Variants in FAM135B observed in about 807,000 individuals in gnomAD.
The protein encoded by FAM135B is protein FAM135B.
A neutral mutation model predicts 127.7 loss-of-function variants in FAM135B; 43 were observed. The ratio of observed to expected loss-of-function variants is 0.34; its 90% CI spans 0.26 to 0.43. FAM135B has a LOEUF of 0.43. Among genes scored for constraint, FAM135B ranks in the 20% least tolerant of loss-of-function variants. The pLI is 1.00. For synonymous variants in FAM135B, 670 were observed against 665.1 expected, an observed-to-expected ratio of 1.01 and a Z score of -0.11; for missense variants, 1,558 against 1,725.6, an observed-to-expected ratio of 0.90 and a Z score of 1.72.
At chr8:138,317,349 G>A (rs1449573206) in intron 2 of FAM135B, among the ~76,000 whole-genome samples, 1 of 152,178 alleles carries the variant, frequency 6.6e-6, no homozygotes, top group Non-Finnish European at 1.5e-5. Flanking sequence ...AGGGGTTGGG[G>A]AGTGGATGGG....
At chr8:138,224,913 G>A (rs1819298217) in intron 7 of FAM135B, among the ~76,000 whole-genome samples, 1 of 152,152 alleles carries the variant, frequency 6.6e-6, no homozygotes, top group South Asian at 2.1e-4. Flanking sequence ...AGACTGGCTG[G>A]GCAGAGGTGG....
At chr8:138,379,534 G>A (rs1831702281) in intron 1 of FAM135B, among the ~76,000 whole-genome samples, 1 of 152,108 alleles carries the variant, frequency 6.6e-6, no homozygotes, top group African/African-American at 2.4e-5. Context: ...AGCCTGGAGT[G>A]AACCACAGGA....
chr8:138,369,872 G>T (rs1183280185), intron 1 of FAM135B, among the ~76,000 whole-genome samples: 1 of 152,188 alleles, frequency 6.6e-6, no homozygotes, highest in Non-Finnish European at 1.5e-5. Context: ...AAAACCATGT[G>T]ACTCCTTTCT....
intron 1 of FAM135B, among the ~76,000 whole-genome samples, chr8:138,418,746 C>T (rs983235795): frequency 2.6e-5 from 4 of 152,002 alleles, no homozygotes; most frequent in Non-Finnish European, 5.9e-5. Flanking sequence ...CCAGCAAACA[C>T]TAAGGGAACT....
chr8:138,337,454 T>C (rs1828689616), intron 2 of FAM135B, among the ~76,000 whole-genome samples: 1 of 151,782 alleles, frequency 6.6e-6, no homozygotes. Context: ...AGCATTCTTA[T>C]ACACCAATAG....
At chr8:138,449,449 G>C (rs1836373049) in intron 1 of FAM135B, among the ~76,000 whole-genome samples, 1 of 152,018 alleles carries the variant, frequency 6.6e-6, no homozygotes, top group Non-Finnish European at 1.5e-5. Flanking sequence ...TTGTTGAGGT[G>C]AGAGTGGCTG....
intron 15 of FAM135B, among the ~76,000 whole-genome samples, chr8:138,144,036 GC>G (rs1162418844): frequency 6.6e-6 from 1 of 152,212 alleles, no homozygotes. Flanking sequence ...TGGGATCTGT[GC>G]CCTGGACCTG....
intron 1 of FAM135B, chr8:138,440,969 T>A (rs1029429328): frequency 2.0e-5 from 3 of 152,116 alleles, no homozygotes; most frequent in African/African-American, 7.2e-5. Flanking sequence ...ACTAGAATAC[T>A]AAACACAGAC....
In FAM135B at chr8:138,483,292, A is replaced by T. The variant is rs1488188186; in HGVS notation, c.-20+13379T>A. Among the ~76,000 whole-genome samples, 3 of 152,214 alleles carry T rather than the reference A, an allele frequency of 2.0e-5. No homozygotes were observed. The East Asian group carries it at 5.8e-4, about 29-fold the overall frequency. The stretch of plus-strand genomic sequence containing the variant: ...ACTTTACACATGAAGAAATGGAAGT[A>T]CAGAGAGGCTGAGCAACCTGTCCTG... On this transcript the variant is annotated intron_variant, in intron 1 of 19. Coordinates refer to ENST00000395297, the MANE Select transcript of FAM135B (RefSeq NM_015912.4).
intron 6 of FAM135B, among the ~76,000 whole-genome samples, chr8:138,250,081 G>C (rs1821582322): frequency 6.6e-6 from 1 of 152,154 alleles, no homozygotes; most frequent in African/African-American, 2.4e-5. Flanking sequence ...GGCTGGGTGT[G>C]GTGGCTCACG....
intron 7 of FAM135B, among the ~76,000 whole-genome samples, chr8:138,220,075 A>ACAC (rs1312896072): frequency 2.0e-5 from 3 of 151,840 alleles, no homozygotes; most frequent in African/African-American, 7.3e-5. Context: ...ACACACACAC[A>ACAC]CACACACACA....
At chr8:138,226,690 T>C (rs1315465183) in intron 7 of FAM135B, among the ~76,000 whole-genome samples, 1 of 152,192 alleles carries the variant, frequency 6.6e-6, no homozygotes, top group Admixed American at 6.5e-5. Flanking sequence ...GCCTCTCAAG[T>C]AGCTGGGATT....
chr8:138,200,592 C>G (rs1817036405), intron 7 of FAM135B, among the ~76,000 whole-genome samples: 1 of 152,192 alleles, frequency 6.6e-6, no homozygotes, highest in African/African-American at 2.4e-5. Context: ...AAAACCCCAT[C>G]AATATCATCA....
intron 1 of FAM135B, among the ~76,000 whole-genome samples, chr8:138,374,267 G>C (rs1240642877): frequency 6.6e-6 from 1 of 152,154 alleles, no homozygotes; most frequent in Admixed American, 6.6e-5. Flanking sequence ...TCCCCAGTAA[G>C]TCCAGGCTTC....
chr8:138,312,263 A>G (rs892934111), intron 2 of FAM135B, among the ~76,000 whole-genome samples: 4 of 152,150 alleles, frequency 2.6e-5, no homozygotes, highest in African/African-American at 4.8e-5. Flanking sequence ...TATTTTTCAA[A>G]AGTACCTGCT....
chr8:138,342,281 G>A (rs1829105134), intron 2 of FAM135B, among the ~76,000 whole-genome samples: 1 of 152,132 alleles, frequency 6.6e-6, no homozygotes, highest in Non-Finnish European at 1.5e-5. Flanking sequence ...GTGACAGATA[G>A]AGAAAATGAA....
chr8:138,147,319 A>G (rs1817737883), intron 14 of FAM135B, among the ~76,000 whole-genome samples: 1 of 151,854 alleles, frequency 6.6e-6, no homozygotes, highest in African/African-American at 2.4e-5. Context: ...TTCAGCATTA[A>G]GTGTTAAGTA....
rs199607618 is a variant in FAM135B at position 138,142,285 on chromosome 8, CTTCTTTTTT to C, written c.3638+718_3638+726del. On this transcript the variant is annotated intron_variant, in intron 16 of 19. Coordinates refer to ENST00000395297, the MANE Select transcript of FAM135B (RefSeq NM_015912.4). ...TTGGGGTGGGCAACTCATTCTGCTTCTTCTTTTTTTTTTTTTTTTTTTTTTTTTTTTTTG... is the reference window on the plus strand; with the variant it reads ...TTGGGGTGGGCAACTCATTCTGCTTCTTTTTTTTTTTTTTTTTTTTTTTTG... Among the ~76,000 whole-genome samples, 9 of 99,958 alleles carry C rather than the reference CTTCTTTTTT, an allele frequency of 9.0e-5. 2 individuals carry two copies. Among genetic ancestry groups the C allele is most frequent in the Admixed American group, 4.5e-4 (4 of 8,862 alleles). The allele number at this position is 99,958 out of a possible 152,430, so 65.6% of individuals were successfully genotyped here. A position where few individuals can be genotyped will look rare whatever the true frequency, so the allele number is the denominator to read the frequency against.
chr8:138,412,355 C>A (rs943469456), intron 1 of FAM135B, among the ~76,000 whole-genome samples: 4 of 152,238 alleles, frequency 2.6e-5, no homozygotes, highest in Non-Finnish European at 5.9e-5. Context: ...CACCCAGATT[C>A]CTGATCACAG....
Sources: gnomAD v4.1 joint callset for allele counts (sites outside exome capture counted in the v4.1 genomes callset) on GRCh38, gnomAD v4.1.1 for gene constraint, MANE v1.5 for transcripts, NCBI Gene and HGNC (gene_info 2026-07-23, HGNC 2026-07-21) for gene names.